The following LCMT1 variants were observed in gnomAD, a reference collection of about 807,000 sequenced individuals.
LCMT1 encodes leucine carboxyl methyltransferase 1, also known as [Phosphatase 2A protein]-leucine-carboxy methyltransferase 1.
LCMT1 carries 32 observed loss-of-function variants against 47.7 expected under a neutral mutation model. The ratio of observed to expected loss-of-function variants is 0.67; its 90% confidence interval spans 0.51 to 0.90. The LOEUF is 0.90. Among genes scored for constraint, LCMT1 ranks in the 40% least tolerant of loss-of-function variants. The pLI is 0.00. For missense variants in LCMT1, 375 were observed against 415.2 expected (o/e 0.90, Z 0.84); for synonymous variants, 152 against 149.7 (o/e 1.02, Z -0.11).
chr16:25,130,361 C>A (rs1031746509), intron 2 of LCMT1, among the ~76,000 whole-genome samples: 1 of 142,494 alleles, frequency 7.0e-6, no homozygotes, highest in Non-Finnish European at 1.5e-5. Context: ...AAAAAAAATT[C>A]TTCAACAGGG....
intron 4 of LCMT1, chr16:25,143,988 G>C (rs1960773680): frequency 6.6e-6 from 1 of 152,142 alleles, no homozygotes. Flanking sequence ...AGGTTGGTAG[G>C]GTCTGTCATT....
At chr16:25,146,944 C>G (rs1960875478) in intron 4 of LCMT1, 1 of 152,214 alleles carries the variant, frequency 6.6e-6, no homozygotes, top group African/African-American at 2.4e-5. Flanking sequence ...TAGGTTTTCT[C>G]CATAGTCTCA....
rs557369515 is a variant in LCMT1 at position 25,118,208 on chromosome 16, C to T, written c.113+6212C>T. Among the ~76,000 whole-genome samples the T allele has an allele frequency of 4.6e-5, 7 of 152,230 alleles. No individual in the cohort carries two copies. The East Asian group carries it at 7.7e-4, about 17-fold the overall frequency. On this transcript the variant is annotated intron_variant, in intron 1 of 10. Coordinates refer to ENST00000399069, the MANE Select transcript of LCMT1 (RefSeq NM_016309.3). ...AGCATTTCTTACGTGGGCTATAGGG[C>T]CCAGCCTGCTCTGTGTACTTCCCCA...
chr16:25,119,300 C>G (rs994305245), intron 1 of LCMT1, among the ~76,000 whole-genome samples: 6 of 151,856 alleles, frequency 4.0e-5, no homozygotes, highest in African/African-American at 1.2e-4. Flanking sequence ...TAAATGTTCT[C>G]GTAACACCCT....
At chr16:25,171,860 T>C (rs893233594) in intron 9 of LCMT1, among the ~76,000 whole-genome samples, 6 of 152,216 alleles carry the variant, frequency 3.9e-5, no homozygotes, top group Non-Finnish European at 8.8e-5. Flanking sequence ...CCTACATAGA[T>C]AGATAAATAT....
At chr16:25,112,502 G>GGGTGTGGT (rs1449247686) in intron 1 of LCMT1, among the ~76,000 whole-genome samples, 2 of 152,230 alleles carry the variant, frequency 1.3e-5, no homozygotes, top group Non-Finnish European at 2.9e-5. Context: ...CCACTGTTAA[G>GGGTGTGGT]GGTGTGGTGG....
intron 9 of LCMT1, among the ~76,000 whole-genome samples, chr16:25,171,934 A>G (rs1199480959): frequency 6.6e-6 from 1 of 152,176 alleles, no homozygotes; most frequent in African/African-American, 2.4e-5. Context: ...CTGGTCTGTA[A>G]ACCACCATCC....
intron 5 of LCMT1, among the ~76,000 whole-genome samples, chr16:25,158,324 T>A (rs1961322451): frequency 6.6e-6 from 1 of 152,200 alleles, no homozygotes; most frequent in Non-Finnish European, 1.5e-5. Flanking sequence ...GCTAATTTTG[T>A]ATTTTTAGTA....
At chr16:25,135,880 C>CA (rs1429116903) in intron 3 of LCMT1, among the ~76,000 whole-genome samples, 1 of 151,968 alleles carries the variant, frequency 6.6e-6, no homozygotes. Context: ...TGCTTGAGCT[C>CA]AGGAGTTTGA....
At position 25,178,071 on chromosome 16, in the gene LCMT1, C is replaced by CT. The variant is rs1288019254; in HGVS notation, c.*49dup. ...CCAGAAGCCGAAGCCACTTGCCCTC[C>CT]TGGAGGAGACCTGCAAGCTCCCTGA... On this transcript the variant is annotated 3_prime_UTR_variant, in exon 11 of 11. Coordinates refer to ENST00000399069, the MANE Select transcript of LCMT1 (RefSeq NM_016309.3). 1.2e-6 allele frequency: 2 copies of CT among 1,601,212 alleles called. No individual in the cohort carries two copies. Among genetic ancestry groups the CT allele is most frequent in the East Asian group, 4.5e-5 (2 of 44,738 alleles).
At chr16:25,175,827 A>G (rs2141722535) in intron 10 of LCMT1, among the ~76,000 whole-genome samples, 1 of 152,306 alleles carries the variant, frequency 6.6e-6, no homozygotes, top group Non-Finnish European at 1.5e-5. Flanking sequence ...GCATATCCAG[A>G]GAACTTGCTG....
At chr16:25,176,718 T>C (rs560422067) in intron 10 of LCMT1, among the ~76,000 whole-genome samples, 49 of 150,584 alleles carry the variant, frequency 3.3e-4, no homozygotes, top group Non-Finnish European at 6.5e-4. Context: ...TCCACCACCA[T>C]GTCCAGCTAA....
At chr16:25,176,550 CTTTTTTTTTTTT>C (rs1170373745) in intron 10 of LCMT1, among the ~76,000 whole-genome samples, 4 of 44,268 alleles carry the variant, frequency 9.0e-5, no homozygotes, top group East Asian at 9.7e-4. Context: ...TTTTTTTTGG[CTTTTTTTTTTTT>C]TTTTTTTTTT....
At chr16:25,122,219 C>G (rs1208534419) in intron 1 of LCMT1, among the ~76,000 whole-genome samples, 1 of 152,216 alleles carries the variant, frequency 6.6e-6, no homozygotes, top group African/African-American at 2.4e-5. Context: ...TCTTTAATTT[C>G]TATCCTATAA....
chr16:25,122,453 C>G (rs766439536), intron 1 of LCMT1, among the ~76,000 whole-genome samples: 1 of 152,088 alleles, frequency 6.6e-6, no homozygotes, highest in East Asian at 1.9e-4. Flanking sequence ...GAATCACAGG[C>G]GTGCACTACC....
Position 25,128,526 on chromosome 16 carries a change from G to A in LCMT1, c.165G>A (p.Val55=), listed in dbSNP as rs1960254124. The change falls in exon 2 of 11, where the codon GTG becomes GTA. Residue 55 remains valine (V), a synonymous_variant. Coordinates refer to ENST00000399069, the MANE Select transcript of LCMT1 (RefSeq NM_016309.3). ...ATGACCCTTACATACAGCACTTTGTGAGACTGTCTAAAGAGAGGAAAGCCC... is the reference window on the plus strand; with the variant it reads ...ATGACCCTTACATACAGCACTTTGTAAGACTGTCTAAAGAGAGGAAAGCCC... ...YWHDPYIQHF[V]RLSKERKAPE... 6.2e-7 allele frequency: 1 copy of A among 1,609,900 alleles called. No individual in the cohort carries two copies. The highest frequency in any genetic ancestry group is 8.5e-7 in the Non-Finnish European group (1 of 1,178,102).
chr16:25,157,560 A>G (rs955032629), intron 5 of LCMT1, among the ~76,000 whole-genome samples: 1 of 151,556 alleles, frequency 6.6e-6, no homozygotes, highest in Non-Finnish European at 1.5e-5. Context: ...CAGCAACAAC[A>G]ATAAAAAAAA....
chr16:25,127,047 A>G (rs1960212184), intron 1 of LCMT1, among the ~76,000 whole-genome samples: 1 of 152,138 alleles, frequency 6.6e-6, no homozygotes, highest in Admixed American at 6.5e-5. Context: ...TTTTCATTGC[A>G]CTTACACCCT....
chr16:25,154,846 T>C (rs533518880), intron 5 of LCMT1, among the ~76,000 whole-genome samples: 1 of 152,274 alleles, frequency 6.6e-6, no homozygotes, highest in South Asian at 2.1e-4. Flanking sequence ...TTTTTCTCAT[T>C]CTTTTACTTA....
Sources: gnomAD v4.1 joint callset for allele counts (sites outside exome capture counted in the v4.1 genomes callset) on GRCh38, gnomAD v4.1.1 for gene constraint, MANE v1.5 for transcripts, NCBI Gene and HGNC (gene_info 2026-07-23, HGNC 2026-07-21) for gene names.